The following UQCC6 variants were observed in gnomAD, a reference collection of about 807,000 sequenced individuals.
UQCC6 encodes the protein protein BRAWNIN.
the UQCC6 span, among the ~76,000 whole-genome samples, chr12:103,961,703 C>G: frequency 8.6e-5 from 13 of 152,026 alleles, no homozygotes; most frequent in East Asian, 2.5e-3. Flanking sequence ...ACTACAGGTG[C>G]CCGCCACTAC....
the UQCC6 span, chr12:103,955,574 C>A: frequency 3.0e-6 from 1 of 337,912 alleles, no homozygotes; most frequent in Non-Finnish European, 5.8e-6. Flanking sequence ...TGTGAGGCTG[C>A]GGTGAGCTGA....
chr12:103,960,810 T>TA, the UQCC6 span, among the ~76,000 whole-genome samples: 1 of 152,196 alleles, frequency 6.6e-6, no homozygotes, highest in Non-Finnish European at 1.5e-5. Context: ...GATGCTGGTG[T>TA]AAACACACCA....
the UQCC6 span, among the ~76,000 whole-genome samples, chr12:103,960,274 C>T: frequency 1.3e-5 from 2 of 152,076 alleles, no homozygotes; most frequent in East Asian, 1.9e-4. Context: ...GGTTTCACCA[C>T]GTTGGCCAGG....
At chr12:103,952,137 TTTTCATCA>T in the UQCC6 span, among the ~76,000 whole-genome samples, 1 of 152,048 alleles carries the variant, frequency 6.6e-6, no homozygotes, top group African/African-American at 2.4e-5. Flanking sequence ...TTTTAGAAAA[TTTTCATCA>T]CCCCAAAAAG....
chr12:103,958,505 C>T, the UQCC6 span, among the ~76,000 whole-genome samples: 1 of 152,080 alleles, frequency 6.6e-6, no homozygotes, highest in African/African-American at 2.4e-5. Context: ...CTTTCTGTCA[C>T]TATAAGTTAG....
the UQCC6 span, chr12:103,956,248 T>C: frequency 1.1e-5 from 2 of 174,442 alleles, no homozygotes; most frequent in African/African-American, 4.8e-5. Flanking sequence ...GAGGAGGACA[T>C]GCCAAGGATA....
chr12:103,961,057 T>C, the UQCC6 span, among the ~76,000 whole-genome samples: 3 of 152,256 alleles, frequency 2.0e-5, no homozygotes, highest in African/African-American at 4.8e-5. Flanking sequence ...CTGTGGGTTA[T>C]TGCCCTTGAA....
chr12:103,953,040 T>C, the UQCC6 span, among the ~76,000 whole-genome samples: 2 of 152,172 alleles, frequency 1.3e-5, no homozygotes, highest in Non-Finnish European at 2.9e-5. Flanking sequence ...TCCAGTGTTT[T>C]TCACTCTGAA....
chr12:103,958,555 G>A, the UQCC6 span, among the ~76,000 whole-genome samples: 5 of 152,116 alleles, frequency 3.3e-5, no homozygotes, highest in African/African-American at 9.6e-5. Context: ...GAATTATACC[G>A]TATGTACTAT....
the UQCC6 span, among the ~76,000 whole-genome samples, chr12:103,951,888 C>T: frequency 6.6e-6 from 1 of 152,170 alleles, no homozygotes; most frequent in East Asian, 1.9e-4. Context: ...GCATCAGAAT[C>T]AATTGACAGG....
chr12:103,962,288 GAGA>G, the UQCC6 span, among the ~76,000 whole-genome samples: 1 of 152,016 alleles, frequency 6.6e-6, no homozygotes, highest in African/African-American at 2.4e-5. Flanking sequence ...AATTTTTTAA[GAGA>G]AGTTTTTAAT....
the UQCC6 span, among the ~76,000 whole-genome samples, chr12:103,962,240 A>G: frequency 6.6e-6 from 1 of 152,180 alleles, no homozygotes; most frequent in African/African-American, 2.4e-5. Flanking sequence ...ATCAGATATG[A>G]TCTGCAAATA....
chr12:103,960,765 G>A, the UQCC6 span, among the ~76,000 whole-genome samples: 3 of 152,100 alleles, frequency 2.0e-5, no homozygotes, highest in Non-Finnish European at 4.4e-5. Flanking sequence ...ATAGCCTAAT[G>A]ACATCATAAC....
chr12:103,956,435 G>C, the UQCC6 span: 1 of 547,514 alleles, frequency 1.8e-6, no homozygotes, highest in Non-Finnish European at 3.3e-6. Flanking sequence ...AGATGCAATG[G>C]GATGCCATCC....
chr12:103,955,132 C>A, the UQCC6 span, among the ~76,000 whole-genome samples: 4 of 151,510 alleles, frequency 2.6e-5, no homozygotes, highest in African/African-American at 7.3e-5. Flanking sequence ...CTGGCCAACA[C>A]AGTGAAACAC....
At chr12:103,956,991 C>T in the UQCC6 span, 4 of 515,388 alleles carry the variant, frequency 7.8e-6, no homozygotes, top group East Asian at 1.3e-4. Flanking sequence ...GGGCGCCGGC[C>T]TGCGTGCGGC....
chr12:103,960,028 G>A, the UQCC6 span, among the ~76,000 whole-genome samples: 1 of 151,840 alleles, frequency 6.6e-6, no homozygotes, highest in Admixed American at 6.6e-5. Flanking sequence ...GCCTGCCTCG[G>A]CCTCCCAAAG....
At chr12:103,963,667 G>A in the UQCC6 span, among the ~76,000 whole-genome samples, 4 of 152,174 alleles carry the variant, frequency 2.6e-5, no homozygotes, top group South Asian at 2.1e-4. Flanking sequence ...GAAATCTTGC[G>A]TCTTTTGTCA....
chr12:103,965,290 A>G, the UQCC6 span, among the ~76,000 whole-genome samples: 1 of 152,252 alleles, frequency 6.6e-6, no homozygotes, highest in Non-Finnish European at 1.5e-5. Context: ...CTGTAAGGTT[A>G]TGGGAGGTGA....
Sources: allele counts gnomAD v4.1 joint callset (sites outside exome capture counted in the v4.1 genomes callset), GRCh38; gene constraint gnomAD v4.1.1; transcripts MANE v1.5; gene names NCBI Gene and HGNC (gene_info 2026-07-23, HGNC 2026-07-21).